TENM2: variants seen among roughly 807,000 people sequenced by gnomAD.
TENM2 encodes the protein teneurin transmembrane protein 2, also known as teneurin-2.
A neutral mutation model predicts 245.2 loss-of-function variants in TENM2; 52 were observed. That is an observed-to-expected ratio of 0.21 (90% CI 0.17 to 0.27). The LOEUF (loss-of-function observed/expected upper bound fraction) is 0.27, where lower values mean the gene tolerates loss of function less well. Ranked by LOEUF, TENM2 falls within the 10% of genes least tolerant of loss-of-function variation. The pLI, the probability that TENM2 is intolerant of heterozygous loss-of-function variation, is 1.00. For missense variants in TENM2, 3,046 were observed against 3,666.8 expected (o/e 0.83, Z 4.37); for synonymous variants, 1,363 against 1,438.9 (o/e 0.95, Z 1.19).
chr5:167,594,414 A>G (rs1421957965), intron 2 of TENM2, among the ~76,000 whole-genome samples: 1 of 152,216 alleles, frequency 6.6e-6, no homozygotes, highest in Non-Finnish European at 1.5e-5. Flanking sequence ...ATGGCAATGT[A>G]GTAGCTGAAT....
chr5:167,442,565 T>G (rs995641888), intron 2 of TENM2, among the ~76,000 whole-genome samples: 15 of 145,014 alleles, frequency 1.0e-4, no homozygotes, highest in African/African-American at 4.0e-4. Flanking sequence ...AGTTGAACTT[T>G]TCTTGCCAAT....
At chr5:167,056,995 A>G in the TENM2 span, among the ~76,000 whole-genome samples, 2 of 151,354 alleles carry the variant, frequency 1.3e-5, no homozygotes, top group Non-Finnish European at 2.9e-5. Flanking sequence ...TGTGTCCTGC[A>G]GTTCTTGGAT....
At chr5:167,442,394 C>G (rs1353965248) in intron 2 of TENM2, among the ~76,000 whole-genome samples, 1 of 152,032 alleles carries the variant, frequency 6.6e-6, no homozygotes, top group African/African-American at 2.4e-5. Flanking sequence ...GCTCTCTAAA[C>G]CCATAACTAG....
At chr5:167,875,828 A>C (rs1773371650) in intron 2 of TENM2, among the ~76,000 whole-genome samples, 158 bp from the exon 5 acceptor site, 1 of 152,050 alleles carries the variant, frequency 6.6e-6, no homozygotes, top group African/African-American at 2.4e-5. Context: ...CTTTTGGAGA[A>C]ACATCAAACC....
At chr5:167,354,038 A>G (rs570938424) in intron 1 of TENM2, among the ~76,000 whole-genome samples, 2 of 152,348 alleles carry the variant, frequency 1.3e-5, no homozygotes, top group East Asian at 3.9e-4. Context: ...GAATGGAACT[A>G]CGACCTTTTC....
At chr5:167,154,214 T>C in the TENM2 span, among the ~76,000 whole-genome samples, 2 of 152,366 alleles carry the variant, frequency 1.3e-5, no homozygotes, top group Non-Finnish European at 2.9e-5. Context: ...TTCTTTTGTA[T>C]GAAAATTGCA....
At chr5:167,513,657 G>C (rs1050136065) in intron 2 of TENM2, among the ~76,000 whole-genome samples, 10 of 152,272 alleles carry the variant, frequency 6.6e-5, no homozygotes, top group Admixed American at 5.9e-4. Flanking sequence ...CATATTATCT[G>C]CTCTAATGAA....
chr5:167,928,928 A>C (rs189294372), intron 3 of TENM2, among the ~76,000 whole-genome samples: 1 of 141,854 alleles, frequency 7.0e-6, no homozygotes, highest in East Asian at 2.0e-4. Flanking sequence ...AGAAGAAAGA[A>C]GGAAAAAGAA....
chr5:167,904,004 T>C (rs1177417869), intron 3 of TENM2, among the ~76,000 whole-genome samples: 1 of 152,222 alleles, frequency 6.6e-6, no homozygotes, highest in Non-Finnish European at 1.5e-5. Flanking sequence ...GAGGCTGTTA[T>C]AGTAATTCAT....
exon 29 of TENM2, chr5:168,262,562 G>A (rs779804933): frequency 1.3e-6 from 2 of 1,561,412 alleles, no homozygotes; most frequent in South Asian, 2.4e-5. Flanking sequence ...CGAAGAGAAG[G>A]CCCGCGTCCT....
intron 23 of TENM2, among the ~76,000 whole-genome samples, chr5:168,225,470 A>C (rs1251494685): frequency 6.6e-6 from 1 of 152,234 alleles, no homozygotes; most frequent in Admixed American, 6.5e-5. Flanking sequence ...TAAATTAAAA[A>C]ACAAGAGAGG....
intron 4 of TENM2, among the ~76,000 whole-genome samples, chr5:167,975,737 G>A (rs1257145046): frequency 6.6e-6 from 1 of 151,804 alleles, no homozygotes; most frequent in African/African-American, 2.4e-5. Flanking sequence ...ATGCAGATAG[G>A]GTTTCTTCTG....
chr5:168,030,690 G>A (rs1787066340), intron 5 of TENM2, among the ~76,000 whole-genome samples: 1 of 152,146 alleles, frequency 6.6e-6, no homozygotes, highest in South Asian at 2.1e-4. Flanking sequence ...TTGAAGGTTA[G>A]GAAATGCTTG....
chr5:168,198,115 G>C (rs1761612881), intron 15 of TENM2, among the ~76,000 whole-genome samples: 1 of 151,200 alleles, frequency 6.6e-6, no homozygotes, highest in Admixed American at 6.6e-5. Flanking sequence ...CAACAACTCA[G>C]CTCTGCCATT....
At chr5:167,585,243 A>C (rs940875692) in intron 2 of TENM2, among the ~76,000 whole-genome samples, 11 of 152,012 alleles carry the variant, frequency 7.2e-5, no homozygotes, top group African/African-American at 2.7e-4. Flanking sequence ...GAAGATGTAC[A>C]CTCTTTAGAT....
intron 2 of TENM2, among the ~76,000 whole-genome samples, chr5:167,601,531 G>A (rs550861340): frequency 6.6e-6 from 1 of 152,178 alleles, no homozygotes; most frequent in South Asian, 2.1e-4. Flanking sequence ...CATTTACTCC[G>A]TGAGCTTCAA....
intron 2 of TENM2, chr5:167,574,053 G>T (rs899970608): frequency 3.9e-4 from 60 of 152,264 alleles, no homozygotes; most frequent in African/African-American, 1.3e-3. Context: ...GGGTTTGACC[G>T]AGTGGCTTAG....
At chr5:167,870,724 A>ATG (rs1021922551) in intron 2 of TENM2, among the ~76,000 whole-genome samples, 73 of 142,896 alleles carry the variant, frequency 5.1e-4, no homozygotes, top group East Asian at 1.4e-3. Flanking sequence ...ATATATATAT[A>ATG]TGTGTGATAA....
At chr5:167,627,981 T>C (rs1036426333) in intron 2 of TENM2, among the ~76,000 whole-genome samples, 2 of 152,200 alleles carry the variant, frequency 1.3e-5, no homozygotes, top group Admixed American at 6.5e-5. Flanking sequence ...ATCACAAGTA[T>C]ATTTTGTGTT....
Sources: allele counts gnomAD v4.1 joint callset (sites outside exome capture counted in the v4.1 genomes callset), GRCh38; gene constraint gnomAD v4.1.1; transcripts MANE v1.5; gene names NCBI Gene and HGNC (gene_info 2026-07-23, HGNC 2026-07-21).